Variants in RICTOR observed in about 807,000 individuals in gnomAD.
The protein encoded by RICTOR is rapamycin-insensitive companion of mTOR.
RICTOR carries 49 observed loss-of-function variants against 214.9 expected under a neutral mutation model. The ratio of observed to expected loss-of-function variants is 0.23; its 90% confidence interval spans 0.18 to 0.29. RICTOR has a LOEUF of 0.29. RICTOR is among the 10% of genes least tolerant of loss of function. The probability of loss-of-function intolerance (pLI) is 1.00; values close to 1 mark genes in which losing one functional copy is unlikely to be tolerated. For synonymous variants in RICTOR, 717 were observed against 711.3 expected, an observed-to-expected ratio of 1.01 and a Z score of -0.13; for missense variants, 1,625 against 2,047.0, an observed-to-expected ratio of 0.79 and a Z score of 3.98.
intron 21 of RICTOR, among the ~76,000 whole-genome samples, chr5:38,959,553 T>C (rs986133104): frequency 5.9e-5 from 9 of 152,096 alleles, no homozygotes; most frequent in Non-Finnish European, 8.8e-5. Flanking sequence ...GGGAAGAGCA[T>C]GAAGTCAATT....
intron 25 of RICTOR, among the ~76,000 whole-genome samples, chr5:38,957,171 T>C (rs896726489): frequency 1.3e-5 from 2 of 152,160 alleles, no homozygotes; most frequent in Non-Finnish European, 2.9e-5. Flanking sequence ...TTAGCAGGTT[T>C]CCCTATGACA....
chr5:38,990,639 C>CAG (rs1490795665), intron 7 of RICTOR, among the ~76,000 whole-genome samples: 8 of 82,298 alleles, frequency 9.7e-5, no homozygotes, highest in Admixed American at 1.3e-4. Flanking sequence ...ATATATCTGA[C>CAG]ATATATCAGA....
At chr5:38,986,365 A>C (rs1752171025) in intron 7 of RICTOR, among the ~76,000 whole-genome samples, 1 of 152,204 alleles carries the variant, frequency 6.6e-6, no homozygotes, top group Non-Finnish European at 1.5e-5. Flanking sequence ...CCCAGTCTCA[A>C]GGAGTTCATA....
chr5:38,990,501 T>TATATACACGATATATAC (rs1561500495), intron 7 of RICTOR, among the ~76,000 whole-genome samples: 5 of 55,892 alleles, frequency 8.9e-5, no homozygotes, highest in Admixed American at 2.0e-4. Flanking sequence ...AATACATATA[T>TATATACACGATATATAC]ACGATATATA....
At chr5:39,068,128 C>G (rs1759030951) in intron 2 of RICTOR, among the ~76,000 whole-genome samples, 2 of 152,162 alleles carry the variant, frequency 1.3e-5, no homozygotes, top group African/African-American at 4.8e-5. Context: ...GAAAGATCTC[C>G]AGAAATGGCA....
At chr5:39,030,332 A>C (rs1344344360) in intron 2 of RICTOR, among the ~76,000 whole-genome samples, 1 of 152,198 alleles carries the variant, frequency 6.6e-6, no homozygotes, top group African/African-American at 2.4e-5. Flanking sequence ...GTACAAATTT[A>C]ATAAAGCCAA....
At chr5:38,990,541 T>TATACACGATATATATACG (rs1752533878) in intron 7 of RICTOR, among the ~76,000 whole-genome samples, 1 of 141,206 alleles carries the variant, frequency 7.1e-6, no homozygotes, top group African/African-American at 2.9e-5. Context: ...ATATACGATA[T>TATACACGATATATATACG]ATACACGATA....
chr5:39,000,551 A>G (rs1753536896), intron 5 of RICTOR, among the ~76,000 whole-genome samples: 1 of 152,038 alleles, frequency 6.6e-6, no homozygotes, highest in Non-Finnish European at 1.5e-5. Context: ...ATAATGGTGA[A>G]ATACTTAATG....
At chr5:39,036,614 G>C (rs1190054410) in intron 2 of RICTOR, among the ~76,000 whole-genome samples, 3 of 152,150 alleles carry the variant, frequency 2.0e-5, no homozygotes, top group Non-Finnish European at 4.4e-5. Context: ...ATAAAGGGAT[G>C]GAGGAAGATC....
At chr5:38,962,780 G>A (rs1206607251) in intron 17 of RICTOR, 96 bp downstream of exon 17, 1 of 1,028,220 alleles carries the variant, frequency 9.7e-7, no homozygotes, top group Non-Finnish European at 1.5e-6. Flanking sequence ...TATGCATGAA[G>A]AGAAGTGTAA....
intron 14 of RICTOR, 173 bp from the exon 15 acceptor site, chr5:38,966,894 G>A (rs1277311664): frequency 5.1e-6 from 3 of 584,322 alleles, no homozygotes; most frequent in Non-Finnish European, 9.0e-6. Flanking sequence ...TCTGCCTTCC[G>A]GGTTCAAGCA....
intron 30 of RICTOR, 108 bp from the exon 31 acceptor site, chr5:38,950,828 A>C (rs1748715842): frequency 1.2e-6 from 1 of 819,956 alleles, no homozygotes; most frequent in Non-Finnish European, 1.8e-6. Context: ...TCTAGAGGAA[A>C]AAATTTAAAA....
Position 38,939,270 on chromosome 5 carries a change from G to C in RICTOR, c.*3034C>G, listed in dbSNP as rs1172300759. The C allele has an allele frequency of 1.3e-5, 3 of 232,500 alleles. No individual in the cohort carries two copies. Among genetic ancestry groups the C allele is most frequent in the African/African-American group, 6.6e-5 (3 of 45,272 alleles). 14.4% of individuals were successfully genotyped at this position (232,500 alleles called of 1,614,324 possible). ...TGATATGCCCTGAAAAACTCAGCTTGAATTATCTCAAGCTCTAGATAAAAG... is the reference window on the plus strand; with the variant it reads ...TGATATGCCCTGAAAAACTCAGCTTCAATTATCTCAAGCTCTAGATAAAAG... On this transcript the variant is annotated 3_prime_UTR_variant, in exon 38 of 38. Coordinates refer to ENST00000357387, the MANE Select transcript of RICTOR (RefSeq NM_152756.5).
chr5:39,007,561 T>C (rs1373506067), intron 3 of RICTOR, among the ~76,000 whole-genome samples: 2 of 152,048 alleles, frequency 1.3e-5, no homozygotes, highest in African/African-American at 2.4e-5. Context: ...TACAGATCCT[T>C]ATAATGTAAA....
intron 2 of RICTOR, among the ~76,000 whole-genome samples, chr5:39,073,084 A>T (rs1205771484): frequency 6.6e-6 from 1 of 152,252 alleles, no homozygotes; most frequent in African/African-American, 2.4e-5. Context: ...TACGTCAGGT[A>T]CGACATAGGG....
chr5:38,982,505 A>G lies in RICTOR; in HGVS notation c.584-469T>C, dbSNP rs564820962. ...ATCAGGCATTTATTTGCATACGTGC[A>G]TGTGTACATATGTGTTTTAAAAGAG... is the stretch of plus-strand genomic sequence containing the variant. On this transcript the variant is annotated intron_variant, in intron 7 of 37. Coordinates refer to ENST00000357387, the MANE Select transcript of RICTOR (RefSeq NM_152756.5). Among the ~76,000 whole-genome samples the G allele has an allele frequency of 7.2e-5, 11 of 152,316 alleles. No individual in the cohort carries two copies. The East Asian group carries it at 1.9e-3, about 27-fold the overall frequency.
intron 7 of RICTOR, among the ~76,000 whole-genome samples, chr5:38,984,686 T>C (rs927605849): frequency 3.9e-5 from 6 of 152,160 alleles, no homozygotes; most frequent in Non-Finnish European, 7.3e-5. Flanking sequence ...TTTGTTATCA[T>C]TTATCACCTC....
At position 38,945,591 on chromosome 5, in the gene RICTOR, T is replaced by A; in HGVS notation, c.4533A>T (p.Gly1511=). 6.2e-7 allele frequency: 1 copy of A among 1,613,946 alleles called. No individual in the cohort carries two copies. The highest frequency in any genetic ancestry group is 8.5e-7 in the Non-Finnish European group (1 of 1,179,818). Reference sequence around the variant, plus strand: ...AGTTATCATCTGTATGTTCCTGTAGTCCAGTGTCTTCTGTACTTTCTAAAA... The same window carrying A: ...AGTTATCATCTGTATGTTCCTGTAGACCAGTGTCTTCTGTACTTTCTAAAA... ...SLFLESTEDT[G]LQEHTDDNCL... The change falls in exon 34 of 38, where the codon GGA becomes GGT. Residue 1511 remains glycine, a synonymous_variant. Coordinates refer to ENST00000357387, the MANE Select transcript of RICTOR (RefSeq NM_152756.5).
At chr5:39,011,074 A>G (rs796968064) in intron 3 of RICTOR, among the ~76,000 whole-genome samples, 4 of 152,272 alleles carry the variant, frequency 2.6e-5, no homozygotes, top group African/African-American at 9.6e-5. Flanking sequence ...AGCCCCTCCC[A>G]TCACAGGCCC....
Sources: allele counts gnomAD v4.1 joint callset (sites outside exome capture counted in the v4.1 genomes callset), GRCh38; gene constraint gnomAD v4.1.1; transcripts MANE v1.5; gene names NCBI Gene and HGNC (gene_info 2026-07-23, HGNC 2026-07-21).